Variants in SLC4A4 observed in about 807,000 individuals in gnomAD.
SLC4A4 encodes the protein solute carrier family 4 member 4, also known as electrogenic sodium bicarbonate cotransporter 1.
SLC4A4 carries 27 observed loss-of-function variants against 111.5 expected under a neutral mutation model. The ratio of observed to expected loss-of-function variants is 0.24; its 90% confidence interval spans 0.18 to 0.33. The LOEUF (loss-of-function observed/expected upper bound fraction) is 0.33. Ranked by LOEUF, SLC4A4 falls within the 10% of genes least tolerant of loss-of-function variation. SLC4A4 has a pLI of 1.00. For missense variants in SLC4A4, 909 were observed against 1,315.5 expected, an observed-to-expected ratio of 0.69 and a Z score of 4.78; for synonymous variants, 443 against 463.4, an observed-to-expected ratio of 0.96 and a Z score of 0.57.
chr4:71,251,309 G>A (rs1446465301), intron 2 of SLC4A4, among the ~76,000 whole-genome samples: 1 of 152,202 alleles, frequency 6.6e-6, no homozygotes, highest in Non-Finnish European at 1.5e-5. Flanking sequence ...GCAACTATGA[G>A]AAGTATGAAG....
intron 14 of SLC4A4, among the ~76,000 whole-genome samples, chr4:71,484,723 A>C (rs1729211210): frequency 6.6e-6 from 1 of 151,810 alleles, no homozygotes; most frequent in East Asian, 1.9e-4. Context: ...TAGGAATAAC[A>C]GTGAATATAT....
At chr4:71,212,678 T>TTGTGTGTGTGCACG (rs1718202387) in intron 1 of SLC4A4, among the ~76,000 whole-genome samples, 1 of 152,130 alleles carries the variant, frequency 6.6e-6, no homozygotes, top group Non-Finnish European at 1.5e-5. Context: ...GTGCACGCGT[T>TTGTGTGTGTGCACG]TGTGTGTGTG....
chr4:71,116,634 G>A (rs944418378), intron 2 of SLC4A4, among the ~76,000 whole-genome samples: 4 of 152,196 alleles, frequency 2.6e-5, no homozygotes, highest in African/African-American at 9.7e-5. Context: ...TGAGGAAGGT[G>A]TTTGAGTGTG....
intron 23 of SLC4A4, among the ~76,000 whole-genome samples, chr4:71,561,517 G>T (rs559813483): frequency 6.6e-6 from 1 of 151,882 alleles, no homozygotes; most frequent in South Asian, 2.1e-4. Flanking sequence ...TACAGTGAAA[G>T]AAGGCAAGAG....
chr4:71,513,996 G>A lies in SLC4A4; in HGVS notation c.2166+16304G>A, dbSNP rs148776747. On this transcript the variant is annotated intron_variant, in intron 16 of 25. Coordinates refer to ENST00000264485, the MANE Select transcript of SLC4A4 (RefSeq NM_001098484.3). ...CCTGGGATAAATCCCACTTAATTGT[G>A]GTATATTATCTTGTAGATGTACTGT... is the stretch of plus-strand genomic sequence containing the variant. 6.3e-3 allele frequency among the ~76,000 whole-genome samples: 953 copies of A among 152,162 alleles called. 5 individuals are homozygous for A. The highest frequency in any genetic ancestry group is 8.0e-3 in the Non-Finnish European group (544 of 67,998).
At chr4:71,544,321 C>T (rs905907891) in intron 18 of SLC4A4, among the ~76,000 whole-genome samples, 8 of 151,812 alleles carry the variant, frequency 5.3e-5, no homozygotes, top group Admixed American at 1.3e-4. Flanking sequence ...GAGGTTATTC[C>T]GGGTAGAAGA....
chr4:71,431,210 A>G lies in SLC4A4; in HGVS notation c.808-9406A>G, dbSNP rs559228393. 7.9e-5 allele frequency among the ~76,000 whole-genome samples: 7 copies of G among 88,688 alleles called. 1 individual carries two copies. The highest frequency in any genetic ancestry group is 2.0e-4 in the African/African-American group (7 of 35,270). The allele number at this position is 88,688 out of a possible 152,430, so 58.2% of individuals were successfully genotyped here. ...TCTAATAAAAATGAATAAAAATGAT[A>G]AGGAAAACAGTATGTTTGACTACAA... On this transcript the variant is annotated intron_variant, in intron 7 of 25. Transcript: ENST00000264485.
chr4:71,118,028 C>T (rs1743319593), intron 2 of SLC4A4, among the ~76,000 whole-genome samples: 1 of 152,066 alleles, frequency 6.6e-6, no homozygotes, highest in South Asian at 2.1e-4. Context: ...AGGCATGCGC[C>T]ACCACGCCTG....
chr4:71,305,708 A>G (rs1410926009), intron 3 of SLC4A4, among the ~76,000 whole-genome samples: 3 of 152,188 alleles, frequency 2.0e-5, no homozygotes, highest in Non-Finnish European at 4.4e-5. Flanking sequence ...TAAAACATCT[A>G]CAGAGAGACA....
At chr4:71,153,622 A>G (rs1437573781) in intron 2 of SLC4A4, among the ~76,000 whole-genome samples, 1 of 152,146 alleles carries the variant, frequency 6.6e-6, no homozygotes, top group Non-Finnish European at 1.5e-5. Context: ...ACACATGTAA[A>G]GCCTTCAGCA....
upstream of SLC4A4, among the ~76,000 whole-genome samples, chr4:71,184,147 C>CA (rs1337154059): frequency 6.6e-6 from 1 of 152,172 alleles, no homozygotes; most frequent in Non-Finnish European, 1.5e-5. Flanking sequence ...AGGACCTAGT[C>CA]AGTCACACAA....
intron 1 of SLC4A4, among the ~76,000 whole-genome samples, chr4:71,234,071 C>T (rs1719632923): frequency 6.6e-6 from 1 of 152,194 alleles, no homozygotes; most frequent in Non-Finnish European, 1.5e-5. Flanking sequence ...GTTCCCTTTG[C>T]TTGGAACACA....
chr4:71,120,877 G>A (rs560176688), intron 2 of SLC4A4, among the ~76,000 whole-genome samples: 1 of 152,346 alleles, frequency 6.6e-6, no homozygotes, highest in African/African-American at 2.4e-5. Flanking sequence ...GCCCCTCTCT[G>A]GGCTGGTCGA....
At chr4:71,173,146 C>T (rs1196587651) in intron 2 of SLC4A4, among the ~76,000 whole-genome samples, 2 of 152,122 alleles carry the variant, frequency 1.3e-5, no homozygotes, top group Non-Finnish European at 2.9e-5. Flanking sequence ...CATTGAAACT[C>T]TCATGTGAGA....
intron 4 of SLC4A4, among the ~76,000 whole-genome samples, chr4:71,348,809 G>A (rs1476159382): frequency 6.6e-6 from 1 of 152,062 alleles, no homozygotes; most frequent in Non-Finnish European, 1.5e-5. Flanking sequence ...CCTATGTAGA[G>A]CTTCCTCTGA....
At chr4:71,107,831 C>G (rs1332236197) in intron 2 of SLC4A4, among the ~76,000 whole-genome samples, 1 of 151,222 alleles carries the variant, frequency 6.6e-6, no homozygotes, top group African/African-American at 2.4e-5. Context: ...CCTCAGCCGC[C>G]TGAGTAGCTG....
chr4:71,434,187 T>C (rs1723899716), intron 7 of SLC4A4, among the ~76,000 whole-genome samples: 1 of 152,006 alleles, frequency 6.6e-6, no homozygotes, highest in Non-Finnish European at 1.5e-5. Flanking sequence ...TCTTTAAAAA[T>C]GAAGATTGAA....
chr4:71,302,450 G>A (rs373732568), intron 3 of SLC4A4, among the ~76,000 whole-genome samples: 119 of 152,256 alleles, frequency 7.8e-4, no homozygotes, highest in African/African-American at 2.8e-3. Context: ...TACTTCCACA[G>A]AGTATGAAGG....
At chr4:71,302,385 A>C (rs1206080528) in intron 3 of SLC4A4, among the ~76,000 whole-genome samples, 1 of 152,232 alleles carries the variant, frequency 6.6e-6, no homozygotes, top group Non-Finnish European at 1.5e-5. Flanking sequence ...GGTCCCTTCC[A>C]GACCTAAAAT....
Sources: gnomAD v4.1 joint callset for allele counts (sites outside exome capture counted in the v4.1 genomes callset) on GRCh38, gnomAD v4.1.1 for gene constraint, MANE v1.5 for transcripts, NCBI Gene and HGNC (gene_info 2026-07-23, HGNC 2026-07-21) for gene names.